Variants in MTMR6 observed in about 807,000 individuals in gnomAD.
MTMR6 encodes the protein phosphatidylinositol-3,5-bisphosphate 3-phosphatase MTMR6.
In MTMR6, 47 loss-of-function variants were observed where a neutral mutation model predicts 80.1. That is an observed-to-expected ratio of 0.59 (90% CI 0.46 to 0.75). The LOEUF (loss-of-function observed/expected upper bound fraction) is 0.75. Ranked by LOEUF, MTMR6 falls within the 30% of genes least tolerant of loss-of-function variation. The pLI, the probability that MTMR6 is intolerant of heterozygous loss-of-function variation, is 0.00. For missense variants in MTMR6, 629 were observed against 730.9 expected, an observed-to-expected ratio of 0.86 and a Z score of 1.61; for synonymous variants, 254 against 253.0, an observed-to-expected ratio of 1.00 and a Z score of -0.04.
At position 25,261,737 on chromosome 13, in the gene MTMR6, A is replaced by G. The variant is rs753369899; in HGVS notation, c.657T>C (p.His219=). 6.2e-7 allele frequency: 1 copy of G among 1,613,824 alleles called. No homozygotes were observed. The highest frequency in any genetic ancestry group is 1.1e-5 in the South Asian group (1 of 91,082). Residue 219 remains histidine (H), a synonymous_variant, in exon 6 of 14, where the codon CAT becomes CAC. Transcript: ENST00000381801. The part of the protein sequence containing the change: ...GFSARCLEDE[H]LLQAISKANP... ...TGGCTTTACTAATGGCTTGAAGCAA[A>G]TGTTCATCCTCCAGGCACCTGGCAC... is the stretch of plus-strand genomic sequence containing the variant.
At chr13:25,284,664 T>C (rs1957921020) in intron 1 of MTMR6, among the ~76,000 whole-genome samples, 1 of 152,200 alleles carries the variant, frequency 6.6e-6, no homozygotes, top group Non-Finnish European at 1.5e-5. Context: ...TTTAAATACT[T>C]ACACTTATTT....
At chr13:25,267,211 C>T (rs1329283474) in intron 3 of MTMR6, among the ~76,000 whole-genome samples, 1 of 145,340 alleles carries the variant, frequency 6.9e-6, no homozygotes, top group Non-Finnish European at 1.5e-5. Flanking sequence ...TGTGCCACTG[C>T]ACTCCAGTCT....
intron 6 of MTMR6, chr13:25,260,663 T>A: frequency 2.3e-6 from 3 of 1,286,668 alleles, no homozygotes; most frequent in Non-Finnish European, 3.0e-6. Context: ...TCCTTTTGTG[T>A]AGCCCACCAG....
chr13:25,275,405 G>A (rs548610432), intron 1 of MTMR6, among the ~76,000 whole-genome samples: 10 of 151,472 alleles, frequency 6.6e-5, no homozygotes, highest in Admixed American at 2.0e-4. Flanking sequence ...CTGGGCAACA[G>A]AGTGAGACTC....
chr13:25,272,096 C>T (rs986763338), intron 2 of MTMR6, among the ~76,000 whole-genome samples: 3 of 152,156 alleles, frequency 2.0e-5, no homozygotes, highest in African/African-American at 4.8e-5. Flanking sequence ...CAATAAATGG[C>T]GCCGGTCGTC....
At chr13:25,266,436 G>A in intron 3 of MTMR6, 150 bp from the exon 4 acceptor site, 2 of 664,472 alleles carry the variant, frequency 3.0e-6, no homozygotes, top group Non-Finnish European at 2.4e-6. Context: ...TGTTCAGTAT[G>A]CAAATGATTA....
At chr13:25,270,248 C>G (rs552946017) in intron 2 of MTMR6, among the ~76,000 whole-genome samples, 116 of 152,208 alleles carry the variant, frequency 7.6e-4, no homozygotes, top group Non-Finnish European at 1.4e-3. Flanking sequence ...CTACCACTAA[C>G]TAGTTATGTG....
chr13:25,268,921 C>T (rs570985210), intron 2 of MTMR6, among the ~76,000 whole-genome samples: 2 of 152,316 alleles, frequency 1.3e-5, no homozygotes, highest in Admixed American at 6.5e-5. Flanking sequence ...TGCCTGCTCC[C>T]ACTCCCTGGC....
At chr13:25,276,525 A>C (rs1957731847) in intron 1 of MTMR6, among the ~76,000 whole-genome samples, 1 of 152,198 alleles carries the variant, frequency 6.6e-6, no homozygotes. Context: ...TTGTGCTCCA[A>C]TTATAAACCT....
intron 3 of MTMR6, 128 bp from the exon 4 acceptor site, chr13:25,266,414 G>C: frequency 1.4e-6 from 1 of 731,938 alleles, no homozygotes; most frequent in Non-Finnish European, 2.2e-6. Context: ...GCTAATACCT[G>C]AATACATTTG....
intron 2 of MTMR6, among the ~76,000 whole-genome samples, chr13:25,269,905 A>G (rs1957536243): frequency 6.6e-6 from 1 of 152,160 alleles, no homozygotes; most frequent in Non-Finnish European, 1.5e-5. Flanking sequence ...AGTTACTAAA[A>G]ATGATCTAAT....
intron 10 of MTMR6, 61 bp downstream of exon 10, chr13:25,254,324 T>C (rs1957147964): frequency 8.5e-7 from 1 of 1,179,382 alleles, no homozygotes; most frequent in Admixed American, 1.7e-5. Context: ...AGAAACATTT[T>C]GGCATTCTAA....
chr13:25,258,030 G>A (rs555201270), intron 7 of MTMR6, among the ~76,000 whole-genome samples, 185 bp from the exon 8 acceptor site: 9 of 152,166 alleles, frequency 5.9e-5, no homozygotes, highest in South Asian at 4.2e-4. Context: ...TATTATTCCC[G>A]TGCTTACAAA....
intron 1 of MTMR6, among the ~76,000 whole-genome samples, chr13:25,283,278 GAACT>G (rs745350813): frequency 3.9e-5 from 6 of 152,268 alleles, no homozygotes; most frequent in African/African-American, 7.2e-5. Context: ...TTCTTTGGTA[GAACT>G]AACTGTGTGA....
chr13:25,283,625 TTAG>T (rs1957903668), intron 1 of MTMR6, among the ~76,000 whole-genome samples: 1 of 152,242 alleles, frequency 6.6e-6, no homozygotes, highest in African/African-American at 2.4e-5. Context: ...AATTTGGGCC[TTAG>T]TAGGATCAGA....
intron 1 of MTMR6, among the ~76,000 whole-genome samples, chr13:25,276,360 A>G (rs1369065200): frequency 6.6e-6 from 1 of 152,242 alleles, no homozygotes; most frequent in African/African-American, 2.4e-5. Context: ...AGTTTCAAAT[A>G]GCTTCTCAGA....
chr13:25,260,077 G>A (rs567240373), intron 6 of MTMR6, among the ~76,000 whole-genome samples: 27 of 151,942 alleles, frequency 1.8e-4, no homozygotes, highest in East Asian at 1.6e-3. Flanking sequence ...TGGCCAGGCT[G>A]GTCTCAAACT....
At chr13:25,267,989 T>C (rs1957494968) in intron 2 of MTMR6, 48 bp from the exon 3 acceptor site, 1 of 1,510,868 alleles carries the variant, frequency 6.6e-7, no homozygotes, top group African/African-American at 1.4e-5. Flanking sequence ...AAGCACTAAA[T>C]ATTCTCTTCT....
Position 25,253,883 on chromosome 13 carries a change from T to C in MTMR6, c.1227A>G (p.Glu409=), listed in dbSNP as rs79995551. The C allele has an allele frequency of 3.5e-4, 563 of 1,614,148 alleles. 2 individuals carry two copies. In the African/African-American group the frequency reaches 6.8e-3, roughly 20 times the overall value. Residue 409 remains glutamate, a synonymous_variant, in exon 11 of 14, where the codon GAA becomes GAG. Coordinates refer to ENST00000381801, the MANE Select transcript of MTMR6 (RefSeq NM_004685.5). ...TGAATTCAAAGGCTTGTGGAAACTG[T>C]TCGGTCAAATGCCACACACATTCCA... ...QFLECVWHLT[E]QFPQAFEFSE...
Sources: allele counts gnomAD v4.1 joint callset (sites outside exome capture counted in the v4.1 genomes callset), GRCh38; gene constraint gnomAD v4.1.1; transcripts MANE v1.5; gene names NCBI Gene and HGNC (gene_info 2026-07-23, HGNC 2026-07-21).